The following ZNF26 variants were observed in gnomAD, a reference collection of about 807,000 sequenced individuals.
ZNF26 encodes the protein zinc finger protein 26, also known as epididymis luminal protein 179.
ZNF26 carries 32 observed loss-of-function variants against 54.9 expected under a neutral mutation model. That is an observed-to-expected ratio of 0.58 (90% CI 0.44 to 0.78). The LOEUF (loss-of-function observed/expected upper bound fraction) is 0.78, where lower values mean the gene tolerates loss of function less well. ZNF26 is among the 30% of genes least tolerant of loss of function. The probability of loss-of-function intolerance (pLI) is 0.00; values close to 1 mark genes in which losing one functional copy is unlikely to be tolerated. For missense variants in ZNF26, 524 were observed against 634.0 expected (o/e 0.83, Z 1.86); for synonymous variants, 221 against 209.2 (o/e 1.06, Z -0.49).
chr12:132,991,287 G>C (rs1418711898), intron 1 of ZNF26, among the ~76,000 whole-genome samples: 2 of 149,298 alleles, frequency 1.3e-5, no homozygotes, highest in African/African-American at 4.9e-5. Context: ...CACGAGGTCA[G>C]ATGTTCAAGA....
chr12:133,010,889 C>T lies in ZNF26; in HGVS notation c.1010C>T (p.Thr337Ile). The change falls in exon 4 of 4, where the codon ACA becomes ATA. Residue 337 changes from threonine (T) to isoleucine (I), a missense_variant. Physicochemically the swap from Thr to Ile is moderately conservative, Grantham distance 89 (BLOSUM62 -1). Transcript: ENST00000328654. Reference protein sequence around the residue: ...SYLLVHIRMHTGEKPYQCSDC... With the variant: ...SYLLVHIRMHIGEKPYQCSDC... ...CTCCTTGTTCACATCCGAATGCATA[C>T]AGGAGAAAAACCCTATCAATGCAGT... The T allele has an allele frequency of 1.9e-6, 3 of 1,614,120 alleles. No homozygotes were observed. Among genetic ancestry groups the T allele is most frequent in the South Asian group, 2.2e-5 (2 of 91,086 alleles).
chr12:133,006,933 A>C lies in ZNF26; in HGVS notation c.34-109A>C, dbSNP rs938516624. On this transcript the variant is annotated intron_variant, in intron 1 of 3. Transcript: ENST00000328654. ...TCACAAAGTAAATGCTGAACCAGCC[A>C]CAGGAAATAGTTGGTAGAGGAACAT... 1.1e-5 allele frequency: 15 copies of C among 1,342,076 alleles called. No individual in the cohort carries two copies. The African/African-American group carries it at 2.2e-4, about 19-fold the overall frequency. 83.1% of individuals were successfully genotyped at this position (1,342,076 alleles called of 1,614,324 possible).
In ZNF26 at chr12:133,010,369, C is replaced by T. The variant is rs1281322907; in HGVS notation, c.490C>T (p.His164Tyr). 1.9e-6 allele frequency: 3 copies of T among 1,613,730 alleles called. No homozygotes were observed. Among genetic ancestry groups the T allele is most frequent in the East Asian group, 2.2e-5 (1 of 44,890 alleles). The change falls in exon 4 of 4, where the codon CAT becomes TAT. Residue 164 changes from histidine (H) to tyrosine (Y), a missense_variant. By Grantham distance (83) the His-to-Tyr change is moderately conservative. Coordinates refer to ENST00000328654, the MANE Select transcript of ZNF26 (RefSeq NM_019591.4). ...HGYEEPYFLKHQRAHSIEKNC... is the reference protein window; with the variant it reads ...HGYEEPYFLKYQRAHSIEKNC... ...TTATGAAGAACCATATTTTCTTAAGCATCAAAGAGCTCATAGCATAGAAAA... is the reference window on the plus strand; with the variant it reads ...TTATGAAGAACCATATTTTCTTAAGTATCAAAGAGCTCATAGCATAGAAAA...
chr12:133,013,152 A>T lies in ZNF26; in HGVS notation c.*1671A>T, dbSNP rs1953518455. ...TATAAGAATTTTAAATTTATGAGAA[A>T]ATCTGAGACAGGGGCAGAGATGGCT... On this transcript the variant is annotated 3_prime_UTR_variant, in exon 4 of 4. Transcript: ENST00000328654. 1 of 152,188 alleles carries T rather than the reference A, an allele frequency of 6.6e-6. No individual in the cohort carries two copies. The highest frequency in any genetic ancestry group is 6.5e-5 in the Admixed American group (1 of 15,284). 9.4% of individuals were successfully genotyped at this position (152,188 alleles called of 1,614,324 possible).
intron 1 of ZNF26, among the ~76,000 whole-genome samples, chr12:133,000,650 T>C (rs1953195515): frequency 6.6e-6 from 1 of 152,068 alleles, no homozygotes; most frequent in South Asian, 2.1e-4. Context: ...GGTCTCGATC[T>C]CCTGACCTCG....
At chr12:132,991,643 A>C (rs2137213092) in intron 1 of ZNF26, among the ~76,000 whole-genome samples, 1 of 31,920 alleles carries the variant, frequency 3.1e-5, no homozygotes, top group Non-Finnish European at 1.1e-4. Flanking sequence ...AAAAAAAAAA[A>C]ACCTAAAAAA....
Position 132,986,619 on chromosome 12 carries a change from G to A in ZNF26, c.-222G>A. ...GCCACGGAAAGGCACAAATCCATCC[G>A]TGCGACTCCTGGTACCCAGACCGGG... On this transcript the variant is annotated 5_prime_UTR_variant, in exon 1 of 4. It adds an upstream start codon to the 5' untranslated region. Coordinates refer to ENST00000328654, the MANE Select transcript of ZNF26 (RefSeq NM_019591.4). 1.7e-6 allele frequency: 1 copy of A among 592,098 alleles called. No homozygotes were observed. The highest frequency in any genetic ancestry group is 3.0e-6 in the Non-Finnish European group (1 of 331,210). The allele number at this position is 592,098 out of a possible 1,614,324, so 36.7% of individuals were successfully genotyped here. A position where few individuals can be genotyped will look rare whatever the true frequency, so the allele number is the denominator to read the frequency against.
chr12:133,003,302 T>C (rs1225358030), intron 1 of ZNF26, among the ~76,000 whole-genome samples: 7 of 150,440 alleles, frequency 4.7e-5, no homozygotes, highest in African/African-American at 1.7e-4. Context: ...GTTGCCCAGC[T>C]GGAGTGCAGT....
At chr12:132,999,041 A>G (rs1953152502) in intron 1 of ZNF26, among the ~76,000 whole-genome samples, 1 of 152,156 alleles carries the variant, frequency 6.6e-6, no homozygotes, top group Non-Finnish European at 1.5e-5. Flanking sequence ...ACAGGATGTC[A>G]TTTGTTCACC....
In ZNF26 at chr12:133,007,024, G is replaced by A; in HGVS notation, c.34-18G>A. Reference sequence around the variant, plus strand: ...TAATGTAATTGCATCCAATTGAACAGGGTGTGTGTTATTTCAGGGATTATT... The same window carrying A: ...TAATGTAATTGCATCCAATTGAACAAGGTGTGTGTTATTTCAGGGATTATT... On this transcript the variant is annotated intron_variant, in intron 1 of 3. Coordinates refer to ENST00000328654, the MANE Select transcript of ZNF26 (RefSeq NM_019591.4). 4.3e-6 allele frequency: 7 copies of A among 1,614,020 alleles called. No individual in the cohort carries two copies. The highest frequency in any genetic ancestry group is 5.9e-6 in the Non-Finnish European group (7 of 1,179,932).
chr12:133,008,575 G>A (rs1181532193), intron 3 of ZNF26, among the ~76,000 whole-genome samples: 3 of 151,782 alleles, frequency 2.0e-5, no homozygotes, highest in Admixed American at 1.3e-4. Flanking sequence ...AGGAGATGGA[G>A]ACCATCCTGA....
chr12:132,986,518 A>C lies in ZNF26; in HGVS notation c.-323A>C, dbSNP rs1410288318. ...TCGGATTATCCTGGGCAGACCAGAG[A>C]CTTGACCAGCTAAACACTTCCGTCG... On this transcript the variant is annotated 5_prime_UTR_variant, in exon 1 of 4. Transcript: ENST00000328654. 4.3e-6 allele frequency: 2 copies of C among 460,856 alleles called. No homozygotes were observed. The highest frequency in any genetic ancestry group is 3.9e-5 in the African/African-American group (2 of 50,740). The allele number at this position is 460,856 out of a possible 1,614,324, so 28.5% of individuals were successfully genotyped here.
At chr12:132,989,139 C>G (rs1447995150) in intron 1 of ZNF26, among the ~76,000 whole-genome samples, 1 of 143,792 alleles carries the variant, frequency 7.0e-6, no homozygotes, top group Non-Finnish European at 1.5e-5. Context: ...TGGGTTCAAG[C>G]GATTCTCCTG....
chr12:133,002,805 A>G (rs1156973910), intron 1 of ZNF26, among the ~76,000 whole-genome samples: 2 of 151,586 alleles, frequency 1.3e-5, no homozygotes, highest in Admixed American at 6.6e-5. Flanking sequence ...TGTGTTTTTA[A>G]TAGAGACAGA....
At chr12:132,989,801 T>G (rs1211367765) in intron 1 of ZNF26, among the ~76,000 whole-genome samples, 1 of 151,976 alleles carries the variant, frequency 6.6e-6, no homozygotes, top group Non-Finnish European at 1.5e-5. Context: ...TGAAAAAGAG[T>G]GGTGAGAGGG....
intron 1 of ZNF26, among the ~76,000 whole-genome samples, chr12:132,990,327 TTTC>T (rs1420103164): frequency 2.0e-5 from 3 of 152,196 alleles, no homozygotes; most frequent in Non-Finnish European, 4.4e-5. Context: ...ATCTATGCTT[TTTC>T]TTCTTTAGTC....
rs1456839654 is a variant in ZNF26, at chr12:133,001,818, T to C, written c.34-5224T>C. ...GCCTTTTGAGAGTCCCGCGGCAGTC[T>C]TTGCCTTCAGAATTTTTCAGAGGAA... is the stretch of plus-strand genomic sequence containing the variant. On this transcript the variant is annotated intron_variant, in intron 1 of 3. Transcript: ENST00000328654. This position sits in a 1 kb window ranked among gnomAD's most constrained non-coding sequence, Gnocchi z 4.7. 1 of 670,212 alleles carries C rather than the reference T, an allele frequency of 1.5e-6. No individual in the cohort carries two copies. Among genetic ancestry groups the C allele is most frequent in the East Asian group, 6.6e-5 (1 of 15,094 alleles). 41.5% of individuals were successfully genotyped at this position (670,212 alleles called of 1,614,324 possible).
chr12:133,005,163 G>T (rs903433993), intron 1 of ZNF26: 1 of 152,096 alleles, frequency 6.6e-6, no homozygotes, highest in Admixed American at 6.6e-5. Context: ...ACCTACATTG[G>T]TAATTCTTCT....
In ZNF26 at chr12:132,986,447, T is replaced by A. The variant is rs1167860540; in HGVS notation, c.-394T>A. On this transcript the variant is annotated 5_prime_UTR_variant, in exon 1 of 4. Transcript: ENST00000328654. ...TGGACCGGAATCTGGCCAGCGGGTG[T>A]ACCTGGCTGAGTCTCTGTGGCCGCG... 4.5e-6 allele frequency: 1 copy of A among 221,262 alleles called. No homozygotes were observed. The highest frequency in any genetic ancestry group is 9.0e-6 in the Non-Finnish European group (1 of 110,818). 13.7% of individuals were successfully genotyped at this position (221,262 alleles called of 1,614,324 possible).
Sources: gnomAD v4.1 joint callset for allele counts (sites outside exome capture counted in the v4.1 genomes callset) on GRCh38, gnomAD v4.1.1 for gene constraint, Gnocchi (gnomAD v3.1) non-coding constraint, MANE v1.5 for transcripts, NCBI Gene and HGNC (gene_info 2026-07-23, HGNC 2026-07-21) for gene names.